USP54: variants seen among roughly 807,000 people sequenced by gnomAD.
The protein encoded by USP54 is ubiquitin carboxyl-terminal hydrolase 54.
USP54 carries 87 observed loss-of-function variants against 170.5 expected under a neutral mutation model. The ratio of observed to expected loss-of-function variants is 0.51; its 90% CI spans 0.43 to 0.61. The LOEUF (loss-of-function observed/expected upper bound fraction) is 0.61. Ranked by LOEUF, USP54 falls within the 20% of genes least tolerant of loss-of-function variation. The pLI, the probability that USP54 is intolerant of heterozygous loss-of-function variation, is 0.00. For missense variants in USP54, 1,786 were observed against 2,047.8 expected, an observed-to-expected ratio of 0.87 and a Z score of 2.47; for synonymous variants, 655 against 742.8, an observed-to-expected ratio of 0.88 and a Z score of 1.92.
rs1188996607 is a variant in USP54 at position 73,526,848 on chromosome 10, A to ATC, written c.2061-70_2061-69dup. ...GTTATAGCAACATTCCTAGGACTAA[A>ATC]TCTCTCTCTCAAAAAAAAAAAATCA... On this transcript the variant is annotated intron_variant, in intron 15 of 23. Transcript: ENST00000687698. 9.2e-6 allele frequency: 14 copies of ATC among 1,527,484 alleles called. No homozygotes were observed. In the South Asian group the frequency reaches 1.0e-4, roughly 11 times the overall value. The allele number at this position is 1,527,484 out of a possible 1,614,324, so 94.6% of individuals were successfully genotyped here. A position where few individuals can be genotyped will look rare whatever the true frequency, so the allele number is the denominator to read the frequency against.
chr10:73,530,772 C>T lies in USP54; in HGVS notation c.1379G>A (p.Arg460His), dbSNP rs1399843318. ...HTSKKGSLIE[R>H]KRSSGRVRRK... The stretch of plus-strand genomic sequence containing the variant: ...CCTAACCCGACCAGAGCTCCTCTTG[C>T]GCTCTATCAGTGACCCTTTCTTGGA... Residue 460 changes from arginine to histidine, a missense_variant, in exon 13 of 24, where the codon CGC becomes CAC. By Grantham distance (29) the Arg-to-His change is conservative. This residue lies in a region of USP54 where 1,418 missense variants were observed against 1,569.0 expected (regional missense o/e 0.90). Coordinates refer to ENST00000687698, the MANE Select transcript of USP54 (RefSeq NM_001391956.1). 9 of 1,613,924 alleles carry T rather than the reference C, an allele frequency of 5.6e-6. No individual in the cohort carries two copies. The highest frequency in any genetic ancestry group is 1.3e-5 in the African/African-American group (1 of 74,906).
At position 73,545,535 on chromosome 10, in the gene USP54, T is replaced by TA. The variant is rs1462435740; in HGVS notation, c.375+2dup. On this transcript the variant is annotated splice_region_variant and intron_variant, in intron 5 of 23. Transcript: ENST00000687698. ...TCAAAGAGGGCCAGAGGCCAGCACT[T>TA]ACAAAGCACTCTGCAGCATCATCCA... 2.5e-6 allele frequency: 4 copies of TA among 1,614,026 alleles called. No individual in the cohort carries two copies. In the Admixed American group the frequency reaches 6.7e-5, roughly 27 times the overall value.
In USP54 at chr10:73,500,782, A is replaced by C; in HGVS notation, c.4368T>G (p.Ser1456=). ...LETGHRCSSS[S]SLPVIHDPSV... is the part of the protein sequence containing the mutation. The stretch of plus-strand genomic sequence containing the variant: ...AAGGGTCATGGATGACAGGGAGGGA[A>C]GAGGAGCTGGAACAACGGTGCCCGG... The change falls in exon 23 of 24, where the codon TCT becomes TCG. Residue 1456 remains serine, a synonymous_variant. Transcript: ENST00000687698. The C allele has an allele frequency of 6.2e-7, 1 of 1,601,758 alleles. No homozygotes were observed. The highest frequency in any genetic ancestry group is 8.5e-7 in the Non-Finnish European group (1 of 1,175,736).
At chr10:73,558,284 G>C (rs1245094228) in intron 4 of USP54, among the ~76,000 whole-genome samples, 1 of 152,080 alleles carries the variant, frequency 6.6e-6, no homozygotes, top group Non-Finnish European at 1.5e-5. Context: ...TAACTTGCAT[G>C]CAAGATTTTG....
intron 4 of USP54, among the ~76,000 whole-genome samples, chr10:73,561,104 CAAAAAAAAAAAAA>C (rs919887025): frequency 1.6e-3 from 49 of 30,498 alleles, no homozygotes; most frequent in African/African-American, 4.0e-3. Flanking sequence ...GACTCCATCT[CAAAAAAAAAAAAA>C]AAAAAAAAAA....
rs199643484 is a variant in USP54, at chr10:73,505,318, C to G, written c.4160G>C (p.Arg1387Pro). ...ACCTGAGGCTGCTACCTGAGAAGTA[C>G]GCACTGTTCTGGCTTCATGGAGACC... The part of the protein sequence containing the change: ...EHGLHEARTV[R>P]TSQATPCRGL... The change falls in exon 21 of 24, where the codon CGT becomes CCT. Residue 1387 changes from arginine (R) to proline (P), a missense_variant. Transcript: ENST00000687698. 1.9e-6 allele frequency: 3 copies of G among 1,613,850 alleles called. No individual in the cohort carries two copies. Among genetic ancestry groups the G allele is most frequent in the African/African-American group, 2.7e-5 (2 of 75,032 alleles).
intron 19 of USP54, chr10:73,518,717 AATTTTT>A: frequency 6.6e-6 from 1 of 151,082 alleles, no homozygotes; most frequent in South Asian, 2.1e-4. Flanking sequence ...ATAGACCTGC[AATTTTT>A]TTTTTTTTTT....
intron 4 of USP54, among the ~76,000 whole-genome samples, chr10:73,569,010 G>A (rs750294100): frequency 1.3e-5 from 2 of 152,132 alleles, no homozygotes; most frequent in African/African-American, 2.4e-5. Context: ...GTCCCACCCA[G>A]ATCAATGAAG....
chr10:73,570,516 A>C (rs11000711), intron 4 of USP54, among the ~76,000 whole-genome samples: 6,452 of 149,906 alleles, frequency 0.043, 455 homozygotes, highest in African/African-American at 0.15. Flanking sequence ...GAATAGAAAA[A>C]TTTTAGTACT....
intron 16 of USP54, among the ~76,000 whole-genome samples, chr10:73,523,969 G>A (rs1382715739): frequency 5.3e-5 from 8 of 149,866 alleles, no homozygotes; most frequent in Non-Finnish European, 1.0e-4. Context: ...GTGCAATGGC[G>A]CAATCTTGGC....
chr10:73,536,292 G>A lies in USP54; in HGVS notation c.1121C>T (p.Thr374Ile), dbSNP rs758093430. ...PQAEFQSYSR[T>I]CYDSEDSGRE... ...ACCTGAATCTTCACTGTCGTAGCAT[G>A]TCCTGCTGTATGACTGGAACTCAGC... is the stretch of plus-strand genomic sequence containing the variant. The change falls in exon 11 of 24, where the codon ACA becomes ATA. Residue 374 changes from threonine (T) to isoleucine (I), a missense_variant. Thr to Ile is a moderately conservative substitution (Grantham distance 89, BLOSUM62 -1). Around this residue, in one of 3 missense-constraint regions of USP54, gnomAD observed 7 missense variants for 23.8 expected, o/e 0.29. Transcript: ENST00000687698. 2.5e-6 allele frequency: 4 copies of A among 1,614,064 alleles called. No individual in the cohort carries two copies. The African/African-American group carries it at 5.3e-5, about 22-fold the overall frequency.
chr10:73,498,662 G>C lies in USP54; in HGVS notation c.5022C>G (p.Ile1674Met). Residue 1674 changes from isoleucine to methionine, a missense_variant, in exon 24 of 24, where the codon ATC (isoleucine) becomes ATG (methionine). Physicochemically the swap from Ile to Met is conservative, Grantham distance 10. Coordinates refer to ENST00000687698, the MANE Select transcript of USP54 (RefSeq NM_001391956.1). ...GACTGTGCTGCAGGACTCTAGCCCTGATCTGCTCTCTTCTGGGAGCATCTG... is the reference window on the plus strand; with the variant it reads ...GACTGTGCTGCAGGACTCTAGCCCTCATCTGCTCTCTTCTGGGAGCATCTG... ...VLSDAPRREQ[I>M]RARVLQHSQW The C allele has an allele frequency of 6.3e-7, 1 of 1,577,068 alleles. No homozygotes were observed. Among genetic ancestry groups the C allele is most frequent in the Non-Finnish European group, 8.6e-7 (1 of 1,160,660 alleles).
intron 19 of USP54, 192 bp downstream of exon 19, chr10:73,519,605 T>C: frequency 1.2e-6 from 1 of 860,412 alleles, no homozygotes; most frequent in Non-Finnish European, 1.7e-6. Flanking sequence ...TTTTGCATCC[T>C]AGGAATTATT....
chr10:73,526,604 G>C (rs371111590), intron 16 of USP54, 43 bp downstream of exon 16: 2 of 1,608,618 alleles, frequency 1.2e-6, no homozygotes, highest in African/African-American at 2.7e-5. Flanking sequence ...AGACAAAACT[G>C]CCGGTCAAAT....
chr10:73,618,103 C>G (rs1045088560), intron 1 of USP54, among the ~76,000 whole-genome samples: 2 of 148,986 alleles, frequency 1.3e-5, no homozygotes, highest in Non-Finnish European at 2.9e-5. Flanking sequence ...CCCAGCTACT[C>G]GAGAGGCTGA....
chr10:73,570,131 G>A (rs540955301), intron 4 of USP54, among the ~76,000 whole-genome samples: 1 of 151,912 alleles, frequency 6.6e-6, no homozygotes, highest in South Asian at 2.1e-4. Flanking sequence ...GACTTTATGA[G>A]ACCAAAAATG....
At position 73,498,444 on chromosome 10, in the gene USP54, T is replaced by G; in HGVS notation, c.*185A>C. 1 of 433,256 alleles carries G rather than the reference T, an allele frequency of 2.3e-6. No individual in the cohort carries two copies. Among genetic ancestry groups the G allele is most frequent in the Non-Finnish European group, 3.9e-6 (1 of 257,136 alleles). 26.8% of individuals were successfully genotyped at this position (433,256 alleles called of 1,614,324 possible). On this transcript the variant is annotated 3_prime_UTR_variant, in exon 24 of 24. Transcript: ENST00000687698. ...GCACGCACCGTCACGCCTGGCTAAT[T>G]TTTTGTATTTTGGTAGAGACGGGGT...
At chr10:73,525,560 G>A (rs1564693221) in intron 16 of USP54, among the ~76,000 whole-genome samples, 3 of 152,256 alleles carry the variant, frequency 2.0e-5, no homozygotes, top group East Asian at 3.8e-4. Flanking sequence ...CTGGCTATCT[G>A]AAGAGAAGGG....
At chr10:73,507,044 A>G (rs974675572) in intron 20 of USP54, 5 of 152,126 alleles carry the variant, frequency 3.3e-5, no homozygotes, top group African/African-American at 1.2e-4. Flanking sequence ...CCAGCCACTT[A>G]AAAAGATTGA....
Sources: gnomAD v4.1 joint callset for allele counts (sites outside exome capture counted in the v4.1 genomes callset) on GRCh38, gnomAD v4.1.1 for gene constraint, gnomAD v4.1.1 regional missense constraint, MANE v1.5 for transcripts, NCBI Gene and HGNC (gene_info 2026-07-23, HGNC 2026-07-21) for gene names.